The following H2BC4 variants were observed in gnomAD, a reference collection of about 807,000 sequenced individuals.
The protein encoded by H2BC4 is histone H2B type 1-C/E/F/G/I.
H2BC4 carries 10 observed loss-of-function variants against 6.2 expected under a neutral mutation model. The ratio of observed to expected loss-of-function variants is 1.61; its 90% CI spans 0.99 to 2.73. The LOEUF (loss-of-function observed/expected upper bound fraction) is 2.73, where lower values mean the gene tolerates loss of function less well. H2BC4 is among the 30% of genes most tolerant of loss of function. The pLI, the probability that H2BC4 is intolerant of heterozygous loss-of-function variation, is 0.00. For synonymous variants in H2BC4, 146 were observed against 70.7 expected (o/e 2.07, Z -5.35); for missense variants, 176 against 168.7 (o/e 1.04, Z -0.24).
chr6:26,119,772 G>A (rs1763474917), downstream of H2BC4, among the ~76,000 whole-genome samples: 1 of 147,326 alleles, frequency 6.8e-6, no homozygotes, highest in East Asian at 2.0e-4. Context: ...GAATAAAGAA[G>A]CCATTTTTAA....
chr6:26,123,387 C>T (rs770745106), downstream of H2BC4: 4 of 1,422,706 alleles, frequency 2.8e-6, no homozygotes, highest in South Asian at 1.4e-5. Context: ...GTCCCCACCC[C>T]TCTCCAGTTC....
In H2BC4 at chr6:26,123,865, C is replaced by CCTTCTT; in HGVS notation, c.34_39dup (p.Lys12_Lys13dup). 6.2e-7 allele frequency: 1 copy of CCTTCTT among 1,614,206 alleles called. No homozygotes were observed. Among genetic ancestry groups the CCTTCTT allele is most frequent in the Non-Finnish European group, 8.5e-7 (1 of 1,180,042 alleles). On this transcript the variant is annotated inframe_insertion, in exon 1 of 1. Coordinates refer to ENST00000396984, the MANE Select transcript of H2BC4 (RefSeq NM_003526.3). Reference sequence around the variant, plus strand: ...GCTTTGGTCACTGCCTTCTTGGAGCCCTTCTTCGGGGCGGGAGCAGACTTG... The same window carrying CCTTCTT: ...GCTTTGGTCACTGCCTTCTTGGAGCCCTTCTTCTTCTTCGGGGCGGGAGCAGACTTG...
downstream of H2BC4, among the ~76,000 whole-genome samples, chr6:26,120,941 C>G (rs1763489424): frequency 6.6e-6 from 1 of 152,160 alleles, no homozygotes; most frequent in Non-Finnish European, 1.5e-5. Flanking sequence ...CCTTGATTTC[C>G]TTTTTGTCTC....
chr6:26,122,225 C>A (rs1773284), downstream of H2BC4, among the ~76,000 whole-genome samples: 24,922 of 152,040 alleles, frequency 0.16, 2,186 homozygotes, highest in African/African-American at 0.18. Flanking sequence ...GTTTATTTCC[C>A]AGGTGTGAAA....
At chr6:26,121,364 A>C (rs1363727095), downstream of H2BC4, among the ~76,000 whole-genome samples, 1 of 152,250 alleles carries the variant, frequency 6.6e-6, no homozygotes, top group Non-Finnish European at 1.5e-5. Context: ...ACAAACGCGG[A>C]CGATAAACTT....
downstream of H2BC4, among the ~76,000 whole-genome samples, chr6:26,119,530 T>C (rs1011164739): frequency 1.3e-5 from 2 of 152,148 alleles, no homozygotes; most frequent in African/African-American, 4.8e-5. Context: ...TAACATAAAA[T>C]TTAATTCCAT....
downstream of H2BC4, among the ~76,000 whole-genome samples, chr6:26,120,927 G>A (rs766368193): frequency 1.3e-5 from 2 of 152,136 alleles, no homozygotes; most frequent in Non-Finnish European, 2.9e-5. Context: ...CAGACATTCG[G>A]TTTCCTTGAT....
downstream of H2BC4, among the ~76,000 whole-genome samples, chr6:26,118,720 CT>C (rs1162850314): frequency 2.6e-5 from 4 of 152,278 alleles, no homozygotes; most frequent in African/African-American, 9.6e-5. Flanking sequence ...TTCTGGAGGT[CT>C]TTTAATGAAT....
At chr6:26,120,114 A>G (rs1288336111), downstream of H2BC4, among the ~76,000 whole-genome samples, 1 of 152,202 alleles carries the variant, frequency 6.6e-6, no homozygotes, top group East Asian at 1.9e-4. Flanking sequence ...AGATTACATT[A>G]TAATTTATTA....
At chr6:26,113,692 T>G (rs1054992982), downstream of H2BC4, among the ~76,000 whole-genome samples, 1 of 152,080 alleles carries the variant, frequency 6.6e-6, no homozygotes, top group East Asian at 1.9e-4. Context: ...GATTGTGTGG[T>G]TTAAACAACA....
Position 26,123,768 on chromosome 6 carries a change from A to C in H2BC4, c.137T>G (p.Leu46Arg). 6.2e-7 allele frequency: 1 copy of C among 1,614,272 alleles called. No individual in the cohort carries two copies. Among genetic ancestry groups the C allele is most frequent in the Non-Finnish European group, 8.5e-7 (1 of 1,180,046 alleles). The change falls in exon 1 of 1, where the codon CTG (leucine) becomes CGG (arginine). Residue 46 changes from leucine (L) to arginine (R), a missense_variant. Coordinates refer to ENST00000396984, the MANE Select transcript of H2BC4 (RefSeq NM_003526.3). ...ESYSVYVYKVLKQVHPDTGIS... is the reference protein window; with the variant it reads ...ESYSVYVYKVRKQVHPDTGIS... ...GCCAGTGTCGGGATGGACCTGTTTC[A>C]GCACCTTGTACACGTACACAGAGTA...
At chr6:26,123,201 C>T (rs556090270), downstream of H2BC4, among the ~76,000 whole-genome samples, 106 of 152,324 alleles carry the variant, frequency 7.0e-4, no homozygotes, top group African/African-American at 2.4e-3. Context: ...CAGGGACAGA[C>T]AGCTGGGTCT....
chr6:26,123,843 T>G lies in H2BC4; in HGVS notation c.62A>C (p.Lys21Thr), dbSNP rs1259015787. The G allele has an allele frequency of 4.3e-6, 7 of 1,614,272 alleles. No homozygotes were observed. The highest frequency in any genetic ancestry group is 4.2e-6 in the Non-Finnish European group (5 of 1,180,056). Residue 21 changes from lysine (K) to threonine (T), a missense_variant, in exon 1 of 1, where the codon AAA becomes ACA. Transcript: ENST00000396984. Reference protein sequence around the residue: ...PKKGSKKAVTKAQKKDGKKRK... With the variant: ...PKKGSKKAVTTAQKKDGKKRK... Reference sequence around the variant, plus strand: ...CTTCTTGCCATCTTTCTTCTGCGCTTTGGTCACTGCCTTCTTGGAGCCCTT... The same window carrying G: ...CTTCTTGCCATCTTTCTTCTGCGCTGTGGTCACTGCCTTCTTGGAGCCCTT...
chr6:26,122,678 G>T (rs1257547482), downstream of H2BC4, among the ~76,000 whole-genome samples: 1 of 152,146 alleles, frequency 6.6e-6, no homozygotes, highest in Non-Finnish European at 1.5e-5. Context: ...TTAAGAGTTG[G>T]CTTCTCCTAA....
downstream of H2BC4, among the ~76,000 whole-genome samples, chr6:26,122,304 A>T (rs2113797802): frequency 6.6e-6 from 1 of 152,302 alleles, no homozygotes; most frequent in South Asian, 2.1e-4. Flanking sequence ...ATGGTATTTA[A>T]GTTTGTAAAA....
chr6:26,118,069 C>T lies in H2BC4; in HGVS notation c.*10-2934G>A, dbSNP rs942668154. On this transcript the variant is annotated intron_variant, in intron 1 of 1. Transcript: ENST00000314332. ...TTCTGGCACCAGAGTTTTTCAACTC[C>T]TCCATTTTTGGTAAAAATATCTCAT... 3.9e-5 allele frequency among the ~76,000 whole-genome samples: 6 copies of T among 152,220 alleles called. No homozygotes were observed. In the East Asian group the frequency reaches 1.2e-3, roughly 29 times the overall value.
At chr6:26,123,449 G>A (rs1763540726), downstream of H2BC4, 1 of 1,579,092 alleles carries the variant, frequency 6.3e-7, no homozygotes, top group Non-Finnish European at 8.6e-7. Flanking sequence ...TCTGGCCACA[G>A]CTCTTTTAGT....
chr6:26,121,752 G>GA (rs869262866), downstream of H2BC4, among the ~76,000 whole-genome samples: 223 of 141,726 alleles, frequency 1.6e-3, no homozygotes, highest in East Asian at 4.7e-3. Flanking sequence ...TAGAGGCATA[G>GA]AAAAAAAAAA....
Position 26,123,616 on chromosome 6 carries a change from TCTGGATCTCC to T in H2BC4, c.279_288del (p.Glu94ArgfsTer35). 1 of 1,614,234 alleles carries T rather than the reference TCTGGATCTCC, an allele frequency of 6.2e-7. No homozygotes were observed. The highest frequency in any genetic ancestry group is 8.5e-7 in the Non-Finnish European group (1 of 1,180,034). On this transcript the variant is annotated frameshift_variant, in exon 1 of 1. Transcript: ENST00000396984. LOFTEE classifies it high-confidence loss of function. ...CCGGGAAGCAGCAGGCGCACGGCCG[TCTGGATCTCC>T]CTGGAGGTGATGGTCGAGCGCTTGT...
Sources: allele counts gnomAD v4.1 joint callset (sites outside exome capture counted in the v4.1 genomes callset), GRCh38; gene constraint gnomAD v4.1.1; transcripts MANE v1.5; gene names NCBI Gene and HGNC (gene_info 2026-07-23, HGNC 2026-07-21).